The following REPS2 variants were observed in gnomAD, a reference collection of about 807,000 sequenced individuals.
REPS2 encodes the protein RALBP1 associated Eps domain containing 2.
REPS2 carries 23 observed loss-of-function variants against 53.6 expected under a neutral mutation model. The observed-to-expected ratio is 0.43, with a 90% CI of 0.31 to 0.61. REPS2 has a LOEUF of 0.61. Ranked by LOEUF, REPS2 falls within the 20% of genes least tolerant of loss-of-function variation. The probability of loss-of-function intolerance (pLI) is 0.11; values close to 1 mark genes in which losing one functional copy is unlikely to be tolerated. For missense variants in REPS2, 446 were observed against 534.9 expected (o/e 0.83, Z 1.64); for synonymous variants, 238 against 218.6 (o/e 1.09, Z -0.78).
intron 8 of REPS2, among the ~76,000 whole-genome samples, chrX:17,060,189 G>A (rs1350288977): frequency 2.7e-5 from 3 of 110,460 alleles, no homozygotes; most frequent in Non-Finnish European, 5.7e-5. Flanking sequence ...GTGGTCCCCA[G>A]CTACTCGGGT....
At chrX:17,160,037 G>C in the REPS2 span, among the ~76,000 whole-genome samples, 1 of 112,632 alleles carries the variant, frequency 8.9e-6, no homozygotes, top group African/African-American at 3.2e-5. Flanking sequence ...ACCTTGAGAA[G>C]TGAAGTGACT....
At chrX:16,986,731 C>T (rs1381039348) in intron 1 of REPS2, among the ~76,000 whole-genome samples, 10 of 111,178 alleles carry the variant, frequency 9.0e-5, no homozygotes, top group Non-Finnish European at 1.9e-4. Context: ...TGTTTCACTA[C>T]TGTGGGGTAT....
chrX:17,024,233 G>A (rs985659972), intron 3 of REPS2, among the ~76,000 whole-genome samples: 1 of 110,455 alleles, frequency 9.1e-6, no homozygotes, highest in Non-Finnish European at 1.9e-5. Flanking sequence ...GCTGCAGTGA[G>A]CTATGATCAC....
intron 1 of REPS2, among the ~76,000 whole-genome samples, chrX:16,950,646 G>T (rs1304774846): frequency 8.9e-6 from 1 of 112,920 alleles, no homozygotes; most frequent in African/African-American, 3.2e-5. Context: ...GGTTATAATA[G>T]TGAATCCAAC....
chrX:17,164,140 A>C, the REPS2 span, among the ~76,000 whole-genome samples: 1 of 112,206 alleles, frequency 8.9e-6, no homozygotes, highest in South Asian at 3.7e-4. Context: ...GTTAGGATAC[A>C]AATTTTATAT....
intron 5 of REPS2, among the ~76,000 whole-genome samples, chrX:17,033,467 C>T (rs1377451605): frequency 5.4e-5 from 6 of 111,732 alleles, no homozygotes; most frequent in Non-Finnish European, 1.1e-4. Flanking sequence ...ATGTCTTTCT[C>T]ATAAAATCAG....
chrX:17,040,625 C>T (rs753006588), intron 5 of REPS2, among the ~76,000 whole-genome samples: 3 of 112,202 alleles, frequency 2.7e-5, no homozygotes, highest in South Asian at 7.3e-4. Flanking sequence ...TAAGCTCTGT[C>T]TCCTTTTCTA....
chrX:17,076,389 C>T (rs1192367714), intron 12 of REPS2, among the ~76,000 whole-genome samples: 1 of 111,279 alleles, frequency 9.0e-6, no homozygotes, highest in Non-Finnish European at 1.9e-5. Context: ...TCGTGATCAT[C>T]GTATTGGGAA....
intron 1 of REPS2, among the ~76,000 whole-genome samples, chrX:16,982,482 A>AT (rs939069152): frequency 1.8e-5 from 2 of 111,910 alleles, no homozygotes; most frequent in Admixed American, 1.9e-4. Flanking sequence ...GAGAGTGTTG[A>AT]TTTTTTTGTG....
chrX:17,031,709 G>C (rs904223310), intron 5 of REPS2, among the ~76,000 whole-genome samples: 2 of 111,618 alleles, frequency 1.8e-5, no homozygotes, highest in Middle Eastern at 4.7e-3. Flanking sequence ...GGCTTCTGGT[G>C]GGGGAGCAAC....
intron 1 of REPS2, among the ~76,000 whole-genome samples, chrX:17,001,622 T>C (rs1477645691): frequency 3.6e-5 from 4 of 112,217 alleles, no homozygotes; most frequent in African/African-American, 1.3e-4. Flanking sequence ...AAAATTCAGC[T>C]CTGTAGGCAT....
intron 13 of REPS2, among the ~76,000 whole-genome samples, chrX:17,103,277 G>T (rs1373352689): frequency 8.9e-6 from 1 of 111,732 alleles, no homozygotes; most frequent in African/African-American, 3.3e-5. Context: ...TCCTCATTTG[G>T]GTTCCAGCTC....
intron 13 of REPS2, among the ~76,000 whole-genome samples, chrX:17,079,325 C>T (rs941437351): frequency 1.8e-5 from 2 of 111,651 alleles, no homozygotes; most frequent in South Asian, 3.8e-4. Context: ...GATAACACCC[C>T]GACTTCCTTG....
chrX:17,115,069 A>G (rs940518000), intron 14 of REPS2, among the ~76,000 whole-genome samples: 2 of 111,752 alleles, frequency 1.8e-5, no homozygotes. Context: ...GGAACGTGAG[A>G]CTTGGAAAAG....
chrX:17,083,762 C>G (rs1039018412), intron 13 of REPS2, among the ~76,000 whole-genome samples: 1 of 111,226 alleles, frequency 9.0e-6, no homozygotes, highest in African/African-American at 3.3e-5. Flanking sequence ...CTACTTGTTT[C>G]TTTTAAAATC....
At chrX:17,005,422 A>T (rs1212623349) in intron 1 of REPS2, among the ~76,000 whole-genome samples, 1 of 111,963 alleles carries the variant, frequency 8.9e-6, no homozygotes, top group African/African-American at 3.3e-5. Context: ...AAACTTCAAC[A>T]ATTACTAACT....
At chrX:17,012,416 A>AACAAG (rs1569124855) in intron 2 of REPS2, among the ~76,000 whole-genome samples, 1 of 96,737 alleles carries the variant, frequency 1.0e-5, no homozygotes, top group African/African-American at 4.4e-5. Flanking sequence ...ACAACAACAA[A>AACAAG]CAAAACCCTA....
At chrX:17,095,784 T>G (rs2062689141) in intron 13 of REPS2, among the ~76,000 whole-genome samples, 1 of 110,866 alleles carries the variant, frequency 9.0e-6, no homozygotes, top group Non-Finnish European at 1.9e-5. Flanking sequence ...CACTATTAGT[T>G]CATTGCTTTA....
chrX:16,961,953 A>G (rs2060667765), intron 1 of REPS2, among the ~76,000 whole-genome samples: 2 of 111,964 alleles, frequency 1.8e-5, no homozygotes, highest in Admixed American at 9.5e-5. Context: ...ATCAGCTCAC[A>G]CCTTTTAGAA....
Sources: allele counts gnomAD v4.1 joint callset (sites outside exome capture counted in the v4.1 genomes callset), GRCh38; gene constraint gnomAD v4.1.1; transcripts MANE v1.5; gene names NCBI Gene and HGNC (gene_info 2026-07-23, HGNC 2026-07-21).